The following CEP89 variants were observed in gnomAD, a reference collection of about 807,000 sequenced individuals.
CEP89 encodes the protein centrosomal protein of 89 kDa.
In CEP89, 95 loss-of-function variants were observed where a neutral mutation model predicts 97.6. The ratio of observed to expected loss-of-function variants is 0.97; its 90% CI spans 0.82 to 1.15. The LOEUF (loss-of-function observed/expected upper bound fraction) is 1.15. Ranked by LOEUF, CEP89 falls within the 50% of genes most tolerant of loss-of-function variation. CEP89 has a pLI of 0.00. For synonymous variants in CEP89, 354 were observed against 349.1 expected, an observed-to-expected ratio of 1.01 and a Z score of -0.16; for missense variants, 869 against 947.7, an observed-to-expected ratio of 0.92 and a Z score of 1.09.
At chr19:32,943,297 C>T (rs1376634694) in intron 5 of CEP89, among the ~76,000 whole-genome samples, 2 of 152,140 alleles carry the variant, frequency 1.3e-5, no homozygotes, top group African/African-American at 4.8e-5. Context: ...GTGCCTGGCC[C>T]TATTCCAATC....
At chr19:32,929,909 T>A (rs959658799) in intron 9 of CEP89, among the ~76,000 whole-genome samples, 36 of 152,104 alleles carry the variant, frequency 2.4e-4, no homozygotes, top group African/African-American at 8.7e-4. Flanking sequence ...AACAGACAAG[T>A]TCATAGAGAC....
At chr19:32,946,833 A>G (rs999400249) in intron 5 of CEP89, among the ~76,000 whole-genome samples, 1 of 152,162 alleles carries the variant, frequency 6.6e-6, no homozygotes, top group Non-Finnish European at 1.5e-5. Context: ...ACGGGGAACT[A>G]TGAGTCCATT....
At chr19:32,934,220 A>C (rs937480917) in intron 7 of CEP89, among the ~76,000 whole-genome samples, 10 of 152,074 alleles carry the variant, frequency 6.6e-5, no homozygotes, top group African/African-American at 1.9e-4. Context: ...TGAGGAGCAC[A>C]CTGTGAAGAG....
intron 5 of CEP89, among the ~76,000 whole-genome samples, chr19:32,944,468 G>A (rs962592791): frequency 6.6e-6 from 1 of 152,104 alleles, no homozygotes; most frequent in African/African-American, 2.4e-5. Context: ...TGTTAACCAC[G>A]TGGTATGCTC....
At chr19:32,884,890 C>T (rs1442403300) in intron 17 of CEP89, among the ~76,000 whole-genome samples, 1 of 152,104 alleles carries the variant, frequency 6.6e-6, no homozygotes, top group Non-Finnish European at 1.5e-5. Flanking sequence ...GAATAAAGCT[C>T]GATTCTTGTA....
chr19:32,883,534 G>A (rs1164879382), intron 17 of CEP89, among the ~76,000 whole-genome samples: 1 of 151,924 alleles, frequency 6.6e-6, no homozygotes, highest in South Asian at 2.1e-4. Flanking sequence ...AAAATCAGCT[G>A]GGCGTGGTGG....
At chr19:32,902,292 C>T (rs1411961017) in intron 14 of CEP89, among the ~76,000 whole-genome samples, 1 of 152,068 alleles carries the variant, frequency 6.6e-6, no homozygotes, top group Admixed American at 6.6e-5. Context: ...CATCCTTTAC[C>T]AGCGCAGCAG....
chr19:32,923,032 G>A (rs965313135), intron 12 of CEP89, among the ~76,000 whole-genome samples: 11 of 152,268 alleles, frequency 7.2e-5, no homozygotes, highest in African/African-American at 1.7e-4. Context: ...CAGGGCAGGC[G>A]GATGGAAGCT....
chr19:32,915,260 A>G, intron 14 of CEP89, 77 bp downstream of exon 14: 1 of 1,332,106 alleles, frequency 7.5e-7, no homozygotes, highest in South Asian at 1.5e-5. Context: ...GGAGTTTGGG[A>G]CCAGCCTGAG....
At chr19:32,887,320 G>A (rs1458036623) in intron 17 of CEP89, among the ~76,000 whole-genome samples, 1 of 151,622 alleles carries the variant, frequency 6.6e-6, no homozygotes, top group Non-Finnish European at 1.5e-5. Context: ...TGGGCTCAAT[G>A]GAGCCTCCCC....
intron 5 of CEP89, among the ~76,000 whole-genome samples, chr19:32,947,272 A>T (rs1970815828): frequency 6.6e-6 from 1 of 152,112 alleles, no homozygotes; most frequent in African/African-American, 2.4e-5. Flanking sequence ...AATCAAATAG[A>T]TATATGTCCA....
At position 32,937,626 on chromosome 19, in the gene CEP89, A is replaced by C. The variant is rs1970605220; in HGVS notation, c.667+5T>G. The C allele has an allele frequency of 2.5e-6, 4 of 1,594,046 alleles. No homozygotes were observed. The African/African-American group carries it at 4.0e-5, about 16-fold the overall frequency. On this transcript the variant is annotated splice_donor_5th_base_variant and intron_variant, in intron 7 of 18. Coordinates refer to ENST00000305768, the MANE Select transcript of CEP89 (RefSeq NM_032816.5). ...CAATCATAATATAATTCAAAAGGCA[A>C]ATACCTGGGGAGGGTGGAGGTTTCT... is the stretch of plus-strand genomic sequence containing the variant.
At position 32,951,526 on chromosome 19, in the gene CEP89, T is replaced by C. The variant is rs929430970; in HGVS notation, c.492+2089A>G. Among the ~76,000 whole-genome samples, 40 of 63,540 alleles carry C rather than the reference T, an allele frequency of 6.3e-4. 1 individual carries two copies. In the East Asian group the frequency reaches 0.014, roughly 23 times the overall value. The allele number at this position is 63,540 out of a possible 152,430, so 41.7% of individuals were successfully genotyped here. ...CAACAAAAAATTATATATATATATA[T>C]ATATATATACACACACACACACACA... On this transcript the variant is annotated intron_variant, in intron 4 of 18. Transcript: ENST00000305768.
At chr19:32,896,535 G>C (rs1969645299) in intron 16 of CEP89, among the ~76,000 whole-genome samples, 1 of 151,912 alleles carries the variant, frequency 6.6e-6, no homozygotes, top group Non-Finnish European at 1.5e-5. Context: ...AAACATAGAG[G>C]AAGCACTCTA....
rs111461815 is a variant in CEP89, at chr19:32,920,955, C to T, written c.1268+2484G>A. ...CTGCTGGGCCAGGTGCGGTGGCTCA[C>T]GCCTGTAATCCCAGCACTTTGGGAG... On this transcript the variant is annotated intron_variant, in intron 12 of 18. Coordinates refer to ENST00000305768, the MANE Select transcript of CEP89 (RefSeq NM_032816.5). Among the ~76,000 whole-genome samples, 1,045 of 152,010 alleles carry T rather than the reference C, an allele frequency of 6.9e-3. 17 individuals carry two copies. The highest frequency in any genetic ancestry group is 0.023 in the African/African-American group (967 of 41,496).
intron 4 of CEP89, among the ~76,000 whole-genome samples, chr19:32,949,827 C>T (rs185131075): frequency 9.2e-5 from 14 of 152,152 alleles, no homozygotes; most frequent in Non-Finnish European, 1.8e-4. Context: ...AGGGCTGTCC[C>T]TGGGGCTGAC....
chr19:32,890,574 G>A (rs1403769995), intron 16 of CEP89, among the ~76,000 whole-genome samples: 1 of 152,144 alleles, frequency 6.6e-6, no homozygotes, highest in Non-Finnish European at 1.5e-5. Flanking sequence ...AGGGCTGGGC[G>A]GCACCCGCGC....
chr19:32,968,481 C>A (rs1971330893), intron 1 of CEP89, among the ~76,000 whole-genome samples: 1 of 152,206 alleles, frequency 6.6e-6, no homozygotes, highest in East Asian at 1.9e-4. Flanking sequence ...CTCCTGACCT[C>A]AGGCAATCCG....
At chr19:32,960,354 A>G (rs1316800265) in intron 2 of CEP89, among the ~76,000 whole-genome samples, 1 of 152,210 alleles carries the variant, frequency 6.6e-6, no homozygotes, top group Non-Finnish European at 1.5e-5. Context: ...AAAAGCCTAC[A>G]TTCAAGTAGT....
Sources: allele counts gnomAD v4.1 joint callset (sites outside exome capture counted in the v4.1 genomes callset), GRCh38; gene constraint gnomAD v4.1.1; transcripts MANE v1.5; gene names NCBI Gene and HGNC (gene_info 2026-07-23, HGNC 2026-07-21).